PARL: variants seen among roughly 807,000 people sequenced by gnomAD.
The protein encoded by PARL is presenilin associated rhomboid like, also known as presenilin-associated rhomboid-like protein, mitochondrial.
In PARL, 44 loss-of-function variants were observed where a neutral mutation model predicts 51.6. The ratio of observed to expected loss-of-function variants is 0.85; its 90% CI spans 0.67 to 1.10. The LOEUF (loss-of-function observed/expected upper bound fraction) is 1.10. Among genes scored for constraint, PARL ranks in the 50% least tolerant of loss-of-function variants. The probability of loss-of-function intolerance (pLI) is 0.00; values close to 1 mark genes in which losing one functional copy is unlikely to be tolerated. For missense variants in PARL, 441 were observed against 469.5 expected (o/e 0.94, Z 0.56); for synonymous variants, 172 against 164.0 (o/e 1.05, Z -0.37).
At chr3:183,875,355 C>T (rs999456173) in intron 1 of PARL, among the ~76,000 whole-genome samples, 8 of 130,138 alleles carry the variant, frequency 6.1e-5, no homozygotes, top group African/African-American at 2.4e-4. Flanking sequence ...ATGGAGGCTG[C>T]AGTGAGCTGA....
At chr3:183,842,861 C>A (rs1577305081) in intron 5 of PARL, among the ~76,000 whole-genome samples, 1 of 133,500 alleles carries the variant, frequency 7.5e-6, no homozygotes. Context: ...ACAAAAACAG[C>A]TATTTTTAAG....
At chr3:183,837,472 G>A (rs567275373) in intron 7 of PARL, among the ~76,000 whole-genome samples, 17 of 152,238 alleles carry the variant, frequency 1.1e-4, no homozygotes, top group African/African-American at 3.1e-4. Context: ...CCTAACAGGC[G>A]GTGTCAGCGG....
chr3:183,836,995 C>T (rs1728679895), intron 7 of PARL, among the ~76,000 whole-genome samples: 1 of 152,210 alleles, frequency 6.6e-6, no homozygotes, highest in African/African-American at 2.4e-5. Context: ...CCCACCTCGG[C>T]CTCCCAAAGT....
At chr3:183,866,914 C>T (rs1577364249) in intron 2 of PARL, 149 bp from the exon 3 acceptor site, 1 of 582,166 alleles carries the variant, frequency 1.7e-6, no homozygotes, top group Non-Finnish European at 3.0e-6. Flanking sequence ...GTGAAAAGGG[C>T]TTTTTTTTTT....
intron 4 of PARL, among the ~76,000 whole-genome samples, chr3:183,846,125 C>T (rs1028449219): frequency 6.6e-6 from 1 of 151,956 alleles, no homozygotes; most frequent in African/African-American, 2.4e-5. Context: ...ACCACAGGCA[C>T]CACAGCACTG....
rs1727672080 is a variant in PARL at position 183,829,548 on chromosome 3, G to C, written c.*50C>G. On this transcript the variant is annotated 3_prime_UTR_variant, in exon 10 of 10. Transcript: ENST00000317096. ...GGTCACTCTAGCCGATGTCTCCTGG[G>C]GCTCTCAGGCGGCAAGGACCAGATG... 1 of 1,614,080 alleles carries C rather than the reference G, an allele frequency of 6.2e-7. No individual in the cohort carries two copies. Among genetic ancestry groups the C allele is most frequent in the African/African-American group, 1.3e-5 (1 of 75,032 alleles).
At position 183,882,221 on chromosome 3, in the gene PARL, AAATATATATAT is replaced by A; in HGVS notation, c.125+2490_125+2500del. 4.1e-5 allele frequency among the ~76,000 whole-genome samples: 2 copies of A among 48,296 alleles called. 1 individual carries two copies. Among genetic ancestry groups the A allele is most frequent in the East Asian group, 1.8e-3 (2 of 1,120 alleles). The allele number at this position is 48,296 out of a possible 152,430, so 31.7% of individuals were successfully genotyped here. On this transcript the variant is annotated intron_variant, in intron 1 of 9. Transcript: ENST00000317096. ...AATGTCTCTAAAAAAAAAAAAAAAA[AAATATATATAT>A]ATATATATATATTTATATATATATA...
chr3:183,836,024 C>A (rs1728531787), intron 7 of PARL, among the ~76,000 whole-genome samples: 1 of 151,824 alleles, frequency 6.6e-6, no homozygotes, highest in Admixed American at 6.6e-5. Flanking sequence ...TCGAGACCAG[C>A]CTGACCAACA....
intron 9 of PARL, among the ~76,000 whole-genome samples, chr3:183,830,830 A>C (rs561628940): frequency 6.6e-6 from 1 of 152,350 alleles, no homozygotes; most frequent in African/African-American, 2.4e-5. Flanking sequence ...ATTAATTAAC[A>C]GGCATGTAAT....
downstream of PARL, among the ~76,000 whole-genome samples, chr3:183,826,920 A>T (rs1727455540): frequency 6.6e-6 from 1 of 152,178 alleles, no homozygotes; most frequent in South Asian, 2.1e-4. Flanking sequence ...GCTATGTGCT[A>T]GGAATAATTC....
chr3:183,857,471 G>GA (rs980655608), intron 4 of PARL, among the ~76,000 whole-genome samples: 3 of 151,800 alleles, frequency 2.0e-5, no homozygotes, highest in Non-Finnish European at 4.4e-5. Flanking sequence ...AATATTAAGT[G>GA]AAAAAAAATC....
intron 8 of PARL, 24 bp from the exon 9 acceptor site, chr3:183,833,613 G>C: frequency 6.4e-7 from 1 of 1,556,474 alleles, no homozygotes; most frequent in Non-Finnish European, 8.9e-7. Context: ...AGAAACAAGC[G>C]GCACAACTGT....
Position 183,842,436 on chromosome 3 carries a change from A to G in PARL, c.619T>C (p.Ser207Pro), listed in dbSNP as rs1729432609. 1 of 1,612,476 alleles carries G rather than the reference A, an allele frequency of 6.2e-7. No homozygotes were observed. ...CTGAATGTTGACAGCAACATTGGAG[A>G]ACAAAGGACCTCTACAAGAGAGAGA... is the stretch of plus-strand genomic sequence containing the variant. Reference protein sequence around the residue: ...TSNPASKVLCSPMLLSTFSHF... With the variant: ...TSNPASKVLCPPMLLSTFSHF... The change falls in exon 6 of 10, where the codon TCT becomes CCT. Residue 207 changes from serine (S) to proline (P), a missense_variant. By Grantham distance (74) the Ser-to-Pro change is moderately conservative. Transcript: ENST00000317096.
intron 3 of PARL, among the ~76,000 whole-genome samples, chr3:183,864,033 T>C (rs1198540073): frequency 1.3e-5 from 2 of 152,226 alleles, no homozygotes; most frequent in African/African-American, 2.4e-5. Context: ...TGGAAACCTA[T>C]AGCTTTGTAA....
chr3:183,842,292 T>C lies in PARL; in HGVS notation c.757+6A>G, dbSNP rs1729414194. The stretch of plus-strand genomic sequence containing the variant: ...TCTCAAAGGCCCCGAGATTAAAGCA[T>C]ATTACCTGCAGATAGGTACACTGCC... On this transcript the variant is annotated splice_donor_region_variant and intron_variant, in intron 6 of 9. Transcript: ENST00000317096. 1 of 1,611,982 alleles carries C rather than the reference T, an allele frequency of 6.2e-7. No homozygotes were observed. The highest frequency in any genetic ancestry group is 1.3e-5 in the African/African-American group (1 of 74,988).
intron 4 of PARL, among the ~76,000 whole-genome samples, chr3:183,857,369 C>G (rs1480752826): frequency 6.6e-6 from 1 of 152,120 alleles, no homozygotes; most frequent in Admixed American, 6.5e-5. Flanking sequence ...GTACATCTGA[C>G]ATATTCACAT....
intron 7 of PARL, among the ~76,000 whole-genome samples, chr3:183,836,648 TG>T (rs773083831): frequency 6.6e-6 from 1 of 152,240 alleles, no homozygotes; most frequent in Non-Finnish European, 1.5e-5. Flanking sequence ...TGTGGGTCCA[TG>T]GGAAGAGGTG....
intron 8 of PARL, 37 bp from the exon 9 acceptor site, chr3:183,833,626 T>A (rs1348902051): frequency 6.6e-7 from 1 of 1,519,298 alleles, no homozygotes; most frequent in Non-Finnish European, 9.1e-7. Context: ...ACAACTGTGA[T>A]TGCTCCAGCA....
chr3:183,835,536 A>C (rs1446492637), intron 7 of PARL, among the ~76,000 whole-genome samples: 6 of 152,182 alleles, frequency 3.9e-5, no homozygotes, highest in Non-Finnish European at 8.8e-5. Flanking sequence ...GGACCCAAGA[A>C]GACCTGAATT....
Sources: allele counts gnomAD v4.1 joint callset (sites outside exome capture counted in the v4.1 genomes callset), GRCh38; gene constraint gnomAD v4.1.1; transcripts MANE v1.5; gene names NCBI Gene and HGNC (gene_info 2026-07-23, HGNC 2026-07-21).